Variants in MAML3 observed in about 807,000 individuals in gnomAD.
MAML3 encodes mastermind-like protein 3.
MAML3 carries 27 observed loss-of-function variants against 101.9 expected under a neutral mutation model. The ratio of observed to expected loss-of-function variants is 0.27; its 90% CI spans 0.20 to 0.37. The LOEUF (loss-of-function observed/expected upper bound fraction) is 0.37, where lower values mean the gene tolerates loss of function less well. Among genes scored for constraint, MAML3 ranks in the 10% least tolerant of loss-of-function variants. MAML3 has a pLI of 1.00. For synonymous variants in MAML3, 501 were observed against 555.9 expected, an observed-to-expected ratio of 0.90 and a Z score of 1.39; for missense variants, 1,316 against 1,444.9, an observed-to-expected ratio of 0.91 and a Z score of 1.45.
chr4:139,889,551 T>C lies in MAML3; in HGVS notation c.1885A>G (p.Met629Val). The C allele has an allele frequency of 6.2e-7, 1 of 1,613,350 alleles. No individual in the cohort carries two copies. Among genetic ancestry groups the C allele is most frequent in the Non-Finnish European group, 8.5e-7 (1 of 1,179,760 alleles). The stretch of plus-strand genomic sequence containing the variant: ...TGTTGCTGCTGCTGGATATACGGCA[T>C]CAAGGGGTTTTTGTTGGGGTTGGCC... ...PVANPNKNPL[M>V]PYIQQQQQQQ... is the part of the protein sequence containing the mutation. Residue 629 changes from methionine to valine, a missense_variant, in exon 2 of 5, where the codon ATG becomes GTG. Met to Val is a conservative substitution (Grantham distance 21). Coordinates refer to ENST00000509479, the MANE Select transcript of MAML3 (RefSeq NM_018717.5).
intron 1 of MAML3, among the ~76,000 whole-genome samples, chr4:139,983,811 T>C (rs1057199578): frequency 6.6e-6 from 1 of 152,146 alleles, no homozygotes; most frequent in East Asian, 1.9e-4. Flanking sequence ...TGCTGGGCAG[T>C]GGAGTATCAC....
chr4:139,835,821 C>T (rs7679789), intron 2 of MAML3, among the ~76,000 whole-genome samples: 13,225 of 152,192 alleles, frequency 0.087, 1,740 homozygotes, highest in African/African-American at 0.29. Flanking sequence ...CAAATGTTAT[C>T]TTCATGAAGG....
chr4:140,124,916 A>T (rs1728661508), intron 1 of MAML3, among the ~76,000 whole-genome samples: 1 of 152,232 alleles, frequency 6.6e-6, no homozygotes, highest in Admixed American at 6.5e-5. Flanking sequence ...AAATACCCAG[A>T]TGATAGAGGC....
Position 139,878,679 on chromosome 4 carries a change from T to A in MAML3, c.2079+10678A>T, listed in dbSNP as rs530795802. On this transcript the variant is annotated intron_variant, in intron 2 of 4. Coordinates refer to ENST00000509479, the MANE Select transcript of MAML3 (RefSeq NM_018717.5). ...TCTGGAAATGGAATGAAGTTGGGCA[T>A]CCGGCTGAGGCAACATCTCCCTGAA... Among the ~76,000 whole-genome samples the A allele has an allele frequency of 2.6e-5, 4 of 152,162 alleles. No homozygotes were observed. In the South Asian group the frequency reaches 8.3e-4, roughly 32 times the overall value.
intron 1 of MAML3, among the ~76,000 whole-genome samples, chr4:140,034,044 A>G (rs1020632753): frequency 6.6e-6 from 1 of 152,182 alleles, no homozygotes; most frequent in Non-Finnish European, 1.5e-5. Flanking sequence ...AATAATAATA[A>G]CAACAACAAC....
chr4:139,887,267 A>C (rs957711557), intron 2 of MAML3, among the ~76,000 whole-genome samples: 9 of 152,242 alleles, frequency 5.9e-5, no homozygotes, highest in African/African-American at 2.2e-4. Context: ...GCTCGTTTCA[A>C]ACAGTGGTGA....
chr4:139,942,787 T>C (rs189761896), intron 1 of MAML3, among the ~76,000 whole-genome samples: 1 of 152,164 alleles, frequency 6.6e-6, no homozygotes, highest in Non-Finnish European at 1.5e-5. Flanking sequence ...GAAAACTGAA[T>C]CGTGATTTGG....
At position 139,905,359 on chromosome 4, in the gene MAML3, G is replaced by A. The variant is rs964011798; in HGVS notation, c.469-14392C>T. 9.2e-5 allele frequency among the ~76,000 whole-genome samples: 14 copies of A among 151,958 alleles called. 1 individual carries two copies. The highest frequency in any genetic ancestry group is 3.4e-4 in the African/African-American group (14 of 41,372). Reference sequence around the variant, plus strand: ...ACAAAAAAATTAGCTGGGTGTGGTGGTGGGCATCTGTAGTCCCAGCTACTC... The same window carrying A: ...ACAAAAAAATTAGCTGGGTGTGGTGATGGGCATCTGTAGTCCCAGCTACTC... On this transcript the variant is annotated intron_variant, in intron 1 of 4. Coordinates refer to ENST00000509479, the MANE Select transcript of MAML3 (RefSeq NM_018717.5).
intron 2 of MAML3, among the ~76,000 whole-genome samples, chr4:139,738,523 C>T (rs1292813639): frequency 6.6e-6 from 1 of 152,054 alleles, no homozygotes; most frequent in Non-Finnish European, 1.5e-5. Flanking sequence ...AGCCTGGGCA[C>T]AATACAGCGA....
At chr4:139,726,710 A>T (rs1728486117) in intron 3 of MAML3, among the ~76,000 whole-genome samples, 2 of 152,202 alleles carry the variant, frequency 1.3e-5, no homozygotes, top group African/African-American at 2.4e-5. Flanking sequence ...TACTGCTTTG[A>T]GGAAACCATG....
At chr4:140,084,889 T>C (rs375840109) in intron 1 of MAML3, among the ~76,000 whole-genome samples, 3 of 152,190 alleles carry the variant, frequency 2.0e-5, no homozygotes, top group Non-Finnish European at 2.9e-5. Context: ...TACCTTTTTT[T>C]CCCCTACAAT....
At position 140,063,343 on chromosome 4, in the gene MAML3, C is replaced by T. The variant is rs188597545; in HGVS notation, c.468+89517G>A. 3.8e-3 allele frequency among the ~76,000 whole-genome samples: 580 copies of T among 152,140 alleles called. 1 individual carries two copies. The highest frequency in any genetic ancestry group is 0.013 in the African/African-American group (531 of 41,504). ...AAGAGGAGGACAGGACTGTAATAAGCCGTCAGTATTTAAAGATGCATAGAT... is the reference window on the plus strand; with the variant it reads ...AAGAGGAGGACAGGACTGTAATAAGTCGTCAGTATTTAAAGATGCATAGAT... On this transcript the variant is annotated intron_variant, in intron 1 of 4. Transcript: ENST00000509479.
intron 2 of MAML3, among the ~76,000 whole-genome samples, chr4:139,745,484 A>C (rs1400747517): frequency 1.3e-5 from 2 of 152,164 alleles, no homozygotes; most frequent in Admixed American, 1.3e-4. Context: ...GAGATTTGGC[A>C]CTTGACTGTG....
intron 1 of MAML3, among the ~76,000 whole-genome samples, chr4:139,993,917 T>G (rs1734752745): frequency 1.3e-5 from 2 of 152,256 alleles, no homozygotes; most frequent in South Asian, 4.1e-4. Flanking sequence ...CTAAGAATTC[T>G]TTGCCAAAAC....
intron 2 of MAML3, among the ~76,000 whole-genome samples, chr4:139,886,988 A>T (rs989244562): frequency 1.2e-4 from 19 of 152,346 alleles, no homozygotes; most frequent in African/African-American, 4.6e-4. Flanking sequence ...ATTCATTAAA[A>T]CGAAATGTTG....
intron 1 of MAML3, among the ~76,000 whole-genome samples, chr4:139,941,311 T>C (rs911063953): frequency 5.9e-5 from 9 of 152,244 alleles, no homozygotes; most frequent in African/African-American, 1.9e-4. Flanking sequence ...TACGGTATTA[T>C]GCAAATTCTG....
chr4:139,871,574 T>A (rs574055833), intron 2 of MAML3, among the ~76,000 whole-genome samples: 1 of 152,190 alleles, frequency 6.6e-6, no homozygotes, highest in Non-Finnish European at 1.5e-5. Flanking sequence ...TTGATCGAGA[T>A]AGTACTCTCC....
intron 1 of MAML3, among the ~76,000 whole-genome samples, chr4:139,993,152 G>C (rs927429274): frequency 1.3e-5 from 2 of 152,064 alleles, no homozygotes; most frequent in Non-Finnish European, 2.9e-5. Flanking sequence ...AGGAGTTGGA[G>C]ATCAGCCTGG....
Position 140,122,220 on chromosome 4 carries a change from C to CTTTTTTTTTTTTT in MAML3, c.468+30627_468+30639dup, listed in dbSNP as rs369602172. ...TTCTCACAGGAATAATCAAACGAGA[C>CTTTTTTTTTTTTT]TTTTTTTTTTTTTTTTTTTAAACAG... On this transcript the variant is annotated intron_variant, in intron 1 of 4. Coordinates refer to ENST00000509479, the MANE Select transcript of MAML3 (RefSeq NM_018717.5). 2.4e-5 allele frequency among the ~76,000 whole-genome samples: 3 copies of CTTTTTTTTTTTTT among 124,614 alleles called. 1 individual carries two copies. The highest frequency in any genetic ancestry group is 9.1e-5 in the African/African-American group (3 of 32,794). The allele number at this position is 124,614 out of a possible 152,430, so 81.8% of individuals were successfully genotyped here.
Sources: allele counts gnomAD v4.1 joint callset (sites outside exome capture counted in the v4.1 genomes callset), GRCh38; gene constraint gnomAD v4.1.1; transcripts MANE v1.5; gene names NCBI Gene and HGNC (gene_info 2026-07-23, HGNC 2026-07-21).